The following TMED3 variants were observed in gnomAD, a reference collection of about 807,000 sequenced individuals.
TMED3 encodes transmembrane emp24 domain-containing protein 3.
TMED3 carries 9 observed loss-of-function variants against 15.0 expected under a neutral mutation model. The ratio of observed to expected loss-of-function variants is 0.60; its 90% CI spans 0.36 to 1.04. The LOEUF is 1.04. Ranked by LOEUF, TMED3 falls within the 50% of genes least tolerant of loss-of-function variation. The pLI, the probability that TMED3 is intolerant of heterozygous loss-of-function variation, is 0.01. For synonymous variants in TMED3, 117 were observed against 121.4 expected (o/e 0.96, Z 0.24); for missense variants, 267 against 278.9 (o/e 0.96, Z 0.30).
chr15:79,325,610 G>A (rs2141220405), downstream of TMED3, among the ~76,000 whole-genome samples: 1 of 152,270 alleles, frequency 6.6e-6, no homozygotes, highest in African/African-American at 2.4e-5. Flanking sequence ...CGATCACAAG[G>A]TGAAGTCCCA....
chr15:79,377,215 T>C (rs1177601202), intron 2 of TMED3, among the ~76,000 whole-genome samples: 1 of 151,840 alleles, frequency 6.6e-6, no homozygotes, highest in Non-Finnish European at 1.5e-5. Context: ...TAGGGTGAGG[T>C]GGATATGTCA....
At chr15:79,411,414 T>G in exon 3 of TMED3, 1 of 702,500 alleles carries the variant, frequency 1.4e-6, no homozygotes, top group East Asian at 2.7e-5. Context: ...TCAGAGGAGC[T>G]TATTGGAAGG....
chr15:79,392,158 T>A (rs1893705037), intron 2 of TMED3, among the ~76,000 whole-genome samples: 1 of 152,248 alleles, frequency 6.6e-6, no homozygotes, highest in Non-Finnish European at 1.5e-5. Flanking sequence ...TTTTTTTTGT[T>A]TTGTTTTTGC....
At chr15:79,341,879 T>C (rs1208476475) in intron 2 of TMED3, among the ~76,000 whole-genome samples, 2 of 152,046 alleles carry the variant, frequency 1.3e-5, no homozygotes, top group Non-Finnish European at 2.9e-5. Context: ...CTGGGTAGAG[T>C]CCAGGGATGC....
intron 2 of TMED3, among the ~76,000 whole-genome samples, chr15:79,372,420 A>G (rs535189310): frequency 2.6e-5 from 4 of 152,220 alleles, no homozygotes; most frequent in Non-Finnish European, 5.9e-5. Flanking sequence ...CCCTCCCTGT[A>G]TTAGTCTGTT....
At chr15:79,319,783 A>G (rs900428888) in intron 2 of TMED3, among the ~76,000 whole-genome samples, 7 of 152,242 alleles carry the variant, frequency 4.6e-5, no homozygotes, top group Middle Eastern at 3.2e-3. Context: ...CCTGCCTGGC[A>G]GCCAAGGCAG....
At chr15:79,399,915 A>T (rs896422908) in intron 2 of TMED3, among the ~76,000 whole-genome samples, 3 of 152,200 alleles carry the variant, frequency 2.0e-5, no homozygotes, top group Non-Finnish European at 2.9e-5. Context: ...CGTGAGGTCC[A>T]CTGACAGCCA....
In TMED3 at chr15:79,375,608, G is replaced by A. The variant is rs887272863; in HGVS notation, c.418-35792G>A. 1.1e-4 allele frequency among the ~76,000 whole-genome samples: 16 copies of A among 152,262 alleles called. No homozygotes were observed. The South Asian group carries it at 2.9e-3, about 28-fold the overall frequency. On this transcript the variant is annotated intron_variant, in intron 2 of 2. Transcript: ENST00000424155. ...AGTGGGAGCAAGCATGTCACATGGC[G>A]AAAGCAGAAGCAAGAGAGAGAGGGA...
intron 2 of TMED3, among the ~76,000 whole-genome samples, chr15:79,337,942 T>G (rs989439894): frequency 6.6e-6 from 1 of 152,232 alleles, no homozygotes; most frequent in African/African-American, 2.4e-5. Flanking sequence ...TGCTTGTATA[T>G]GGGGATACTT....
rs181377755 is a variant in TMED3 at position 79,396,144 on chromosome 15, C to T, written c.418-15256C>T. On this transcript the variant is annotated intron_variant, in intron 2 of 2. Transcript: ENST00000424155. ...AGAACAAATGCTAAAGTTTGCCCTC[C>T]GTAACAATTATCTTCTTTCTGGTTC... 2.8e-3 allele frequency among the ~76,000 whole-genome samples: 431 copies of T among 152,256 alleles called. 2 individuals are homozygous for T. The highest frequency in any genetic ancestry group is 8.5e-3 in the Admixed American group (130 of 15,302).
chr15:79,409,602 ATC>A (rs752520605), intron 2 of TMED3, among the ~76,000 whole-genome samples: 3 of 152,228 alleles, frequency 2.0e-5, no homozygotes, highest in Non-Finnish European at 2.9e-5. Context: ...TTTCTTATAC[ATC>A]TCTTTTAAAA....
At chr15:79,372,839 C>A (rs956054617) in intron 2 of TMED3, among the ~76,000 whole-genome samples, 13 of 152,198 alleles carry the variant, frequency 8.5e-5, no homozygotes, top group African/African-American at 3.1e-4. Context: ...TGAACAGAAT[C>A]CTTTAGAATT....
intron 2 of TMED3, among the ~76,000 whole-genome samples, chr15:79,377,577 G>C (rs1168481104): frequency 2.0e-5 from 3 of 151,648 alleles, no homozygotes; most frequent in Non-Finnish European, 1.5e-5. Flanking sequence ...TAAAGAAGTA[G>C]TGAAGGACTC....
chr15:79,356,405 T>C (rs112869123), intron 2 of TMED3, among the ~76,000 whole-genome samples: 10 of 152,314 alleles, frequency 6.6e-5, no homozygotes, highest in African/African-American at 2.2e-4. Flanking sequence ...GGTGAATGAA[T>C]GGAAGAATAA....
chr15:79,363,378 A>T lies in TMED3; in HGVS notation c.418-48022A>T, dbSNP rs534423412. Among the ~76,000 whole-genome samples, 19 of 152,334 alleles carry T rather than the reference A, an allele frequency of 1.2e-4. No homozygotes were observed. In the South Asian group the frequency reaches 3.7e-3, roughly 30 times the overall value. ...TTCTGTATATCAAATATAAAAAATG[A>T]CAAACAGCAAACCAGGAAAAATCCT... On this transcript the variant is annotated intron_variant, in intron 2 of 2. Transcript: ENST00000424155.
chr15:79,332,049 T>C (rs1430610737), intron 2 of TMED3, among the ~76,000 whole-genome samples: 2 of 139,098 alleles, frequency 1.4e-5, no homozygotes. Context: ...CAAGACCTTG[T>C]CTCAAAAATA....
At chr15:79,356,056 C>T (rs2058917625) in intron 2 of TMED3, among the ~76,000 whole-genome samples, 2 of 151,358 alleles carry the variant, frequency 1.3e-5, no homozygotes, top group Admixed American at 1.3e-4. Flanking sequence ...GGGAACTGAG[C>T]TTAATGGGAC....
rs368187550 is a variant in TMED3 at position 79,332,965 on chromosome 15, A to G, written c.417+18960A>G. ...CACTTTATTCCCAGTCTGTGCAGGA[A>G]TGAATGGCCCCTGACTGCCCAGTGT... On this transcript the variant is annotated intron_variant, in intron 2 of 2. Transcript: ENST00000424155. 1.2e-3 allele frequency among the ~76,000 whole-genome samples: 178 copies of G among 152,360 alleles called. 4 individuals are homozygous for G. In the South Asian group the frequency reaches 0.035, roughly 30 times the overall value.
At chr15:79,364,921 G>A (rs933840819) in intron 2 of TMED3, among the ~76,000 whole-genome samples, 3 of 152,202 alleles carry the variant, frequency 2.0e-5, no homozygotes, top group Non-Finnish European at 1.5e-5. Flanking sequence ...ACAGAAAGGT[G>A]TCACACCGGC....
Sources: gnomAD v4.1 joint callset for allele counts (sites outside exome capture counted in the v4.1 genomes callset) on GRCh38, gnomAD v4.1.1 for gene constraint, MANE v1.5 for transcripts, NCBI Gene and HGNC (gene_info 2026-07-23, HGNC 2026-07-21) for gene names.